Variants in FCHO2 observed in about 807,000 individuals in gnomAD.
FCHO2 encodes F-BAR domain only protein 2.
In FCHO2, 43 loss-of-function variants were observed where a neutral mutation model predicts 114.1. The observed-to-expected ratio is 0.38, with a 90% CI of 0.30 to 0.49. The LOEUF (loss-of-function observed/expected upper bound fraction) is 0.49, where lower values mean the gene tolerates loss of function less well. Ranked by LOEUF, FCHO2 falls within the 20% of genes least tolerant of loss-of-function variation. FCHO2 has a pLI of 0.97. For missense variants in FCHO2, 807 were observed against 950.4 expected (o/e 0.85, Z 1.98); for synonymous variants, 293 against 315.2 (o/e 0.93, Z 0.75).
At chr5:72,990,432 C>T in intron 3 of FCHO2, 46 bp from the exon 4 acceptor site, 2 of 1,413,144 alleles carry the variant, frequency 1.4e-6, no homozygotes, top group Non-Finnish European at 9.4e-7. Flanking sequence ...CCTTAATTTT[C>T]TTTTTTACTT....
chr5:73,084,870 C>A (rs896633614), intron 24 of FCHO2, among the ~76,000 whole-genome samples: 1 of 152,166 alleles, frequency 6.6e-6, no homozygotes, highest in African/African-American at 2.4e-5. Flanking sequence ...TGACTTTAAC[C>A]CTAGCTATTA....
At position 73,049,552 on chromosome 5, in the gene FCHO2, G is replaced by C. The variant is rs539835320; in HGVS notation, c.940-1797G>C. On this transcript the variant is annotated intron_variant, in intron 11 of 25. Transcript: ENST00000430046. Reference sequence around the variant, plus strand: ...TTTATTGGCTCCTCTTCTGCTTTTAGGCATGCCCAGTTTTCTTTAACTTGA... The same window carrying C: ...TTTATTGGCTCCTCTTCTGCTTTTACGCATGCCCAGTTTTCTTTAACTTGA... 2.6e-5 allele frequency among the ~76,000 whole-genome samples: 4 copies of C among 151,214 alleles called. No homozygotes were observed. In the East Asian group the frequency reaches 5.8e-4, roughly 22 times the overall value.
chr5:73,073,232 C>T (rs1742745679), intron 19 of FCHO2, among the ~76,000 whole-genome samples: 1 of 151,998 alleles, frequency 6.6e-6, no homozygotes, highest in Non-Finnish European at 1.5e-5. Context: ...GTCATTTTTC[C>T]CTTCAATCTA....
At chr5:73,022,797 C>T (rs1755700101) in intron 8 of FCHO2, among the ~76,000 whole-genome samples, 2 of 152,220 alleles carry the variant, frequency 1.3e-5, no homozygotes, top group South Asian at 4.1e-4. Flanking sequence ...ACATGGATTT[C>T]ATCAGGACTT....
intron 5 of FCHO2, among the ~76,000 whole-genome samples, chr5:72,994,580 T>G (rs1753978314): frequency 6.6e-6 from 1 of 152,168 alleles, no homozygotes; most frequent in Non-Finnish European, 1.5e-5. Context: ...GTGGCGATTC[T>G]TCAAAGAGCT....
In FCHO2 at chr5:73,034,547, T is replaced by A. The variant is rs78530044; in HGVS notation, c.797-110T>A. ...AACCATTTCAGAACAATTAAAAAGA[T>A]GCGTTGTCAATTAAAAGTAGAATAA... On this transcript the variant is annotated intron_variant, in intron 8 of 25. Transcript: ENST00000430046. 725 of 728,986 alleles carry A rather than the reference T, an allele frequency of 9.9e-4. 8 individuals carry two copies. The African/African-American group carries it at 0.012, about 12-fold the overall frequency. The allele number at this position is 728,986 out of a possible 1,614,324, so 45.2% of individuals were successfully genotyped here. A position where few individuals can be genotyped will look rare whatever the true frequency, so the allele number is the denominator to read the frequency against.
chr5:73,017,641 T>C lies in FCHO2; in HGVS notation c.796+333T>C, dbSNP rs182517531. ...TGTCACAGTTTTAGATTTTTCAAAA[T>C]AGAGTCACCTACAGAAGGCTATTTT... On this transcript the variant is annotated intron_variant, in intron 8 of 25. Coordinates refer to ENST00000430046, the MANE Select transcript of FCHO2 (RefSeq NM_138782.3). Among the ~76,000 whole-genome samples, 263 of 152,290 alleles carry C rather than the reference T, an allele frequency of 1.7e-3. 1 individual carries two copies. The highest frequency in any genetic ancestry group is 1.7e-3 in the Non-Finnish European group (116 of 67,994).
chr5:73,027,037 T>A (rs375279590), intron 8 of FCHO2, among the ~76,000 whole-genome samples: 1 of 149,904 alleles, frequency 6.7e-6, no homozygotes, highest in East Asian at 1.9e-4. Flanking sequence ...TTTTTTTTTT[T>A]AGTGTAGTAA....
At chr5:72,956,175 T>C in intron 1 of FCHO2, 46 bp downstream of exon 1, 17 of 1,520,658 alleles carry the variant, frequency 1.1e-5, no homozygotes, top group Non-Finnish European at 1.5e-5. Flanking sequence ...GTCCAAGGCT[T>C]TTGGCGCCTG....
intron 3 of FCHO2, 53 bp from the exon 4 acceptor site, chr5:72,990,425 T>G: frequency 7.2e-7 from 1 of 1,382,988 alleles, no homozygotes; most frequent in Non-Finnish European, 9.7e-7. Flanking sequence ...GTTAGAACCT[T>G]AATTTTCTTT....
chr5:73,075,130 G>C (rs1742851452), intron 20 of FCHO2, among the ~76,000 whole-genome samples: 1 of 152,142 alleles, frequency 6.6e-6, no homozygotes. Context: ...TCTCTCCTGA[G>C]CTTGCATTAT....
chr5:72,959,203 A>G (rs1751718620), intron 1 of FCHO2, among the ~76,000 whole-genome samples: 1 of 152,224 alleles, frequency 6.6e-6, no homozygotes, highest in South Asian at 2.1e-4. Context: ...TTAACTTCCG[A>G]GAATTTATAG....
chr5:72,962,520 G>C (rs890467768), intron 1 of FCHO2, among the ~76,000 whole-genome samples: 7 of 152,112 alleles, frequency 4.6e-5, no homozygotes, highest in African/African-American at 1.7e-4. Flanking sequence ...AATTCAAATG[G>C]AAATAGGATC....
chr5:72,964,852 A>G (rs1752103929), intron 1 of FCHO2, among the ~76,000 whole-genome samples: 1 of 152,178 alleles, frequency 6.6e-6, no homozygotes, highest in African/African-American at 2.4e-5. Flanking sequence ...TGCAGTCTGA[A>G]AATATTAAAT....
intron 2 of FCHO2, among the ~76,000 whole-genome samples, chr5:72,975,517 TG>T (rs1178360106): frequency 2.6e-5 from 4 of 152,080 alleles, no homozygotes; most frequent in Non-Finnish European, 5.9e-5. Context: ...CTTTTTTTTT[TG>T]AGACAGAGTC....
At chr5:73,068,300 T>C (rs1201435252) in intron 18 of FCHO2, among the ~76,000 whole-genome samples, 2 of 152,058 alleles carry the variant, frequency 1.3e-5, no homozygotes, top group African/African-American at 4.8e-5. Flanking sequence ...AATTTTCTTA[T>C]ATTTATAGTC....
chr5:72,981,527 C>G (rs978114699), intron 2 of FCHO2, among the ~76,000 whole-genome samples: 23 of 152,162 alleles, frequency 1.5e-4, no homozygotes, highest in Non-Finnish European at 5.9e-5. Flanking sequence ...TGGATGATAT[C>G]CTGAAGAGTG....
chr5:72,970,676 C>A (rs1423708131), intron 2 of FCHO2, among the ~76,000 whole-genome samples: 1 of 151,588 alleles, frequency 6.6e-6, no homozygotes, highest in Non-Finnish European at 1.5e-5. Context: ...TTTTATTTTT[C>A]TTTCTTTTTC....
intron 18 of FCHO2, among the ~76,000 whole-genome samples, chr5:73,067,577 A>G (rs777562954): frequency 6.6e-6 from 1 of 152,066 alleles, no homozygotes; most frequent in Admixed American, 6.6e-5. Context: ...TATTCATGCA[A>G]TGAAGAATTG....
Sources: gnomAD v4.1 joint callset for allele counts (sites outside exome capture counted in the v4.1 genomes callset) on GRCh38, gnomAD v4.1.1 for gene constraint, MANE v1.5 for transcripts, NCBI Gene and HGNC (gene_info 2026-07-23, HGNC 2026-07-21) for gene names.